Variants in CPM observed in about 807,000 individuals in gnomAD.
CPM encodes carboxypeptidase M.
A neutral mutation model predicts 46.4 loss-of-function variants in CPM; 35 were observed. The observed-to-expected ratio is 0.75, with a 90% CI of 0.58 to 1.00. The LOEUF is 1.00. CPM is among the 50% of genes least tolerant of loss of function. CPM has a pLI of 0.00. For synonymous variants in CPM, 195 were observed against 195.3 expected, an observed-to-expected ratio of 1.00 and a Z score of 0.01; for missense variants, 422 against 530.4, an observed-to-expected ratio of 0.80 and a Z score of 2.01.
At chr12:68,909,346 C>T (rs1367937706) in intron 2 of CPM, among the ~76,000 whole-genome samples, 3 of 152,146 alleles carry the variant, frequency 2.0e-5, no homozygotes, top group African/African-American at 7.2e-5. Context: ...TACCACCATG[C>T]TCAGTGAAAA....
upstream of CPM, among the ~76,000 whole-genome samples, chr12:68,937,141 A>T (rs761200573): frequency 2.4e-4 from 37 of 152,242 alleles, no homozygotes; most frequent in Non-Finnish European, 3.8e-4. Flanking sequence ...GGGAATAGAC[A>T]TCAAAATTTT....
At chr12:68,943,365 T>C (rs1017519135) in intron 1 of CPM, among the ~76,000 whole-genome samples, 16 of 152,216 alleles carry the variant, frequency 1.1e-4, no homozygotes, top group African/African-American at 3.9e-4. Flanking sequence ...TTATAAATGC[T>C]TTATAAGTCC....
intron 1 of CPM, among the ~76,000 whole-genome samples, chr12:68,960,746 G>C (rs534280785): frequency 3.3e-5 from 5 of 152,160 alleles, no homozygotes; most frequent in African/African-American, 4.8e-5. Flanking sequence ...TCCTCTAAAT[G>C]TGGCAACCTA....
At chr12:68,955,879 A>C (rs1327545849) in intron 1 of CPM, among the ~76,000 whole-genome samples, 1 of 152,122 alleles carries the variant, frequency 6.6e-6, no homozygotes, top group Non-Finnish European at 1.5e-5. Context: ...GGTGTCCAAG[A>C]AAAAGCACCA....
At position 68,856,469 on chromosome 12, in the gene CPM, A is replaced by C. The variant is rs569139582; in HGVS notation, c.1300T>G (p.Leu434Val). The C allele has an allele frequency of 1.7e-5, 28 of 1,614,134 alleles. 1 individual carries two copies. In the South Asian group the frequency reaches 3.1e-4, roughly 18 times the overall value. The change falls in exon 9 of 9, where the codon TTA becomes GTA. Residue 434 changes from leucine (L) to valine (V), a missense_variant. Leu to Val is a conservative substitution (Grantham distance 32). Transcript: ENST00000551568. ...AAGAATATGTGCAAAAGACTCACTA[A>C]AAATAAGAACAAACTAGGCTTTGTT... Reference protein sequence around the residue: ...AATKPSLFLFLVSLLHIFFK With the variant: ...AATKPSLFLFVVSLLHIFFK
At chr12:68,866,122 G>A (rs1885431795) in intron 7 of CPM, among the ~76,000 whole-genome samples, 1 of 152,188 alleles carries the variant, frequency 6.6e-6, no homozygotes, top group Non-Finnish European at 1.5e-5. Context: ...GAAGGTAATG[G>A]TGCTAGCTCA....
rs1451418652 is a variant in CPM, at chr12:68,856,465, AC to A, written c.1303del (p.Val435Ter). The A allele has an allele frequency of 6.2e-7, 1 of 1,613,980 alleles. No homozygotes were observed. The highest frequency in any genetic ancestry group is 8.5e-7 in the Non-Finnish European group (1 of 1,180,000). The stretch of plus-strand genomic sequence containing the variant: ...TTTGAAGAATATGTGCAAAAGACTC[AC>A]TAAAAATAAGAACAAACTAGGCTTT... ...ATKPSLFLFL[V>X]SLLHIFFK On this transcript the variant is annotated frameshift_variant, in exon 9 of 9. Transcript: ENST00000551568. LOFTEE classifies it high-confidence loss of function.
chr12:68,944,680 A>G (rs994624186), intron 1 of CPM, among the ~76,000 whole-genome samples: 20 of 151,232 alleles, frequency 1.3e-4, no homozygotes, highest in Admixed American at 9.2e-4. Flanking sequence ...AATGATAGGC[A>G]TGAGACACCA....
chr12:68,903,757 C>T (rs934020254), intron 2 of CPM, among the ~76,000 whole-genome samples: 7 of 152,280 alleles, frequency 4.6e-5, no homozygotes, highest in Middle Eastern at 3.4e-3. Flanking sequence ...AGGCCTAGAA[C>T]GGATTTCGTG....
At chr12:68,890,879 C>A (rs1396944663) in intron 2 of CPM, among the ~76,000 whole-genome samples, 1 of 152,256 alleles carries the variant, frequency 6.6e-6, no homozygotes, top group Non-Finnish European at 1.5e-5. Flanking sequence ...TGGGACAAAG[C>A]TGCAGTGATG....
At chr12:68,892,379 T>C (rs1886693154) in intron 2 of CPM, among the ~76,000 whole-genome samples, 1 of 152,148 alleles carries the variant, frequency 6.6e-6, no homozygotes, top group Non-Finnish European at 1.5e-5. Flanking sequence ...TGGCTATTGT[T>C]TGCTGCCTTG....
At chr12:68,949,173 C>T (rs938339463) in intron 1 of CPM, among the ~76,000 whole-genome samples, 1 of 152,250 alleles carries the variant, frequency 6.6e-6, no homozygotes, top group Non-Finnish European at 1.5e-5. Context: ...AAGTTCAATA[C>T]CAGCCTAGCC....
Position 68,871,933 on chromosome 12 carries a change from G to A in CPM, c.282C>T (p.Leu94=). The A allele has an allele frequency of 6.2e-7, 1 of 1,614,098 alleles. No homozygotes were observed. The highest frequency in any genetic ancestry group is 1.3e-5 in the African/African-American group (1 of 75,006). ...TGGTTACGAGATAGTCAATCAGATG[G>A]AGCAGCAGCTCCCGCCCAACAGTCT... ...GDETVGRELL[L]HLIDYLVTSD... Residue 94 remains leucine (L), a synonymous_variant, in exon 4 of 9, where the codon CTC becomes CTT. Transcript: ENST00000551568.
At chr12:68,843,050 G>A (rs1883929177) in intron 5 of CPM, 1 of 217,904 alleles carries the variant, frequency 4.6e-6, no homozygotes, top group East Asian at 6.7e-5. Context: ...CAATGATCTA[G>A]AAGCAGATGT....
chr12:68,948,874 C>G (rs1241833344), intron 1 of CPM, among the ~76,000 whole-genome samples: 2 of 152,166 alleles, frequency 1.3e-5, no homozygotes, highest in African/African-American at 2.4e-5. Context: ...ATATGATGCT[C>G]TAACCTTGGA....
upstream of CPM, among the ~76,000 whole-genome samples, chr12:68,937,057 A>G (rs1888684929): frequency 6.6e-6 from 1 of 152,234 alleles, no homozygotes; most frequent in Admixed American, 6.5e-5. Flanking sequence ...GGAAGTAGAC[A>G]GGATCTCAGG....
At chr12:68,962,317 C>T (rs562759135) in intron 1 of CPM, among the ~76,000 whole-genome samples, 7 of 152,162 alleles carry the variant, frequency 4.6e-5, no homozygotes, top group Non-Finnish European at 1.0e-4. Flanking sequence ...TGTTGTGTCA[C>T]TGTTGGGACA....
intron 8 of CPM, among the ~76,000 whole-genome samples, chr12:68,858,298 A>G (rs1885060290): frequency 6.6e-6 from 1 of 152,200 alleles, no homozygotes; most frequent in Non-Finnish European, 1.5e-5. Flanking sequence ...AACTATATCA[A>G]TACTTATTCA....
chr12:68,862,855 TAAA>T (rs575145362), intron 7 of CPM, among the ~76,000 whole-genome samples: 1 of 137,084 alleles, frequency 7.3e-6, no homozygotes, highest in Non-Finnish European at 1.6e-5. Flanking sequence ...AACACTATAT[TAAA>T]AAAAAAAAAA....
Sources: gnomAD v4.1 joint callset for allele counts (sites outside exome capture counted in the v4.1 genomes callset) on GRCh38, gnomAD v4.1.1 for gene constraint, MANE v1.5 for transcripts, NCBI Gene and HGNC (gene_info 2026-07-23, HGNC 2026-07-21) for gene names.